TRERF1: variants seen among roughly 807,000 people sequenced by gnomAD.
The protein encoded by TRERF1 is transcriptional-regulating factor 1.
Under a neutral mutation model 122.9 loss-of-function variants are expected in TRERF1, and 27 were observed. That is an observed-to-expected ratio of 0.22 (90% CI 0.16 to 0.30). The LOEUF is 0.30. Ranked by LOEUF, TRERF1 falls within the 10% of genes least tolerant of loss-of-function variation. TRERF1 has a pLI of 1.00. For missense variants in TRERF1, 1,248 were observed against 1,560.3 expected, an observed-to-expected ratio of 0.80 and a Z score of 3.37; for synonymous variants, 636 against 641.7, an observed-to-expected ratio of 0.99 and a Z score of 0.13.
chr6:42,345,026 TA>T (rs770267508), intron 3 of TRERF1, among the ~76,000 whole-genome samples: 26 of 152,164 alleles, frequency 1.7e-4, no homozygotes, highest in Non-Finnish European at 2.9e-4. Flanking sequence ...GAACCTATAT[TA>T]TCATGGAGAA....
chr6:42,250,386 C>T (rs577450419), intron 13 of TRERF1, among the ~76,000 whole-genome samples: 1 of 152,270 alleles, frequency 6.6e-6, no homozygotes, highest in African/African-American at 2.4e-5. Context: ...TTCCTGCCTC[C>T]AAAATCCCTC....
At chr6:42,419,119 C>A (rs1782368222) in intron 2 of TRERF1, among the ~76,000 whole-genome samples, 1 of 152,172 alleles carries the variant, frequency 6.6e-6, no homozygotes, top group South Asian at 2.1e-4. Flanking sequence ...AAAGTAGTAG[C>A]TTTTTAAACG....
intron 2 of TRERF1, among the ~76,000 whole-genome samples, chr6:42,439,790 A>G (rs1191180226): frequency 7.9e-5 from 12 of 152,180 alleles, no homozygotes; most frequent in Non-Finnish European, 1.6e-4. Context: ...CACTCAGTCT[A>G]TTACATTTTT....
chr6:42,232,663 C>G lies in TRERF1; in HGVS notation c.3278+18G>C, dbSNP rs1372084053. ...CCCATCATGAACTCAGATTCAGTCC[C>G]CGGTCCCCTGCACCTACTTGCCACA... On this transcript the variant is annotated intron_variant, in intron 17 of 17. Transcript: ENST00000372922. The surrounding 1 kb of genome is among the most constrained non-coding windows in gnomAD (Gnocchi z 4.5). 1.3e-6 allele frequency: 2 copies of G among 1,570,002 alleles called. No homozygotes were observed. Among genetic ancestry groups the G allele is most frequent in the Non-Finnish European group, 1.7e-6 (2 of 1,150,300 alleles).
At chr6:42,318,050 A>C (rs1762792188) in intron 3 of TRERF1, among the ~76,000 whole-genome samples, 1 of 152,086 alleles carries the variant, frequency 6.6e-6, no homozygotes, top group Non-Finnish European at 1.5e-5. Context: ...GCTACTTGGG[A>C]GGCTGAGGCA....
chr6:42,350,435 C>T (rs1357272164), intron 3 of TRERF1, among the ~76,000 whole-genome samples: 3 of 152,152 alleles, frequency 2.0e-5, no homozygotes, highest in African/African-American at 7.2e-5. Flanking sequence ...CCTGAGGCCC[C>T]GCTATTACTC....
At position 42,368,718 on chromosome 6, in the gene TRERF1, A is replaced by G. The variant is rs1374287509; in HGVS notation, c.-453-5639T>C. On this transcript the variant is annotated intron_variant, in intron 2 of 17. Coordinates refer to ENST00000372922, the Ensembl canonical transcript of TRERF1. ...TTAAAGATTAAAGTCCACGCTTTGG[A>G]CTTCTGGGTCAAAAAAGTAATTATT... Among the ~76,000 whole-genome samples the G allele has an allele frequency of 2.0e-5, 3 of 152,294 alleles. No homozygotes were observed. In the East Asian group the frequency reaches 5.8e-4, roughly 29 times the overall value.
chr6:42,414,433 A>G (rs1388841105), intron 2 of TRERF1, among the ~76,000 whole-genome samples: 1 of 152,206 alleles, frequency 6.6e-6, no homozygotes, highest in Non-Finnish European at 1.5e-5. Flanking sequence ...CAAAAACATG[A>G]TATCGTTTTG....
chr6:42,242,744 G>A (rs1241215013), intron 15 of TRERF1, among the ~76,000 whole-genome samples: 1 of 152,220 alleles, frequency 6.6e-6, no homozygotes, highest in East Asian at 1.9e-4. Context: ...TCATCTACAT[G>A]CAGCGAATTA....
At chr6:42,230,729 G>A (rs1051381111) in intron 17 of TRERF1, among the ~76,000 whole-genome samples, 1 of 152,204 alleles carries the variant, frequency 6.6e-6, no homozygotes, top group African/African-American at 2.4e-5. Flanking sequence ...ACAGCAGGGT[G>A]TGGAGGAGAC....
At chr6:42,324,574 A>G (rs1763972597) in intron 3 of TRERF1, among the ~76,000 whole-genome samples, 1 of 152,216 alleles carries the variant, frequency 6.6e-6, no homozygotes, top group Non-Finnish European at 1.5e-5. Context: ...AATGGAAGAG[A>G]AGAGAAAACC....
chr6:42,256,515 C>T (rs921425461), intron 12 of TRERF1, among the ~76,000 whole-genome samples: 5 of 152,048 alleles, frequency 3.3e-5, no homozygotes, highest in Admixed American at 6.5e-5. Flanking sequence ...ACTTTAGGAA[C>T]AGATGTGGAA....
chr6:42,260,055 G>GA (rs1777552312), intron 8 of TRERF1, among the ~76,000 whole-genome samples: 1 of 152,114 alleles, frequency 6.6e-6, no homozygotes, highest in South Asian at 2.1e-4. Context: ...ATCCAGCTGA[G>GA]TGGGCTCTTT....
intron 2 of TRERF1, among the ~76,000 whole-genome samples, chr6:42,442,377 G>A (rs553156879): frequency 1.1e-4 from 17 of 152,248 alleles, no homozygotes; most frequent in Non-Finnish European, 1.3e-4. Flanking sequence ...AGGCCCTCAG[G>A]AAGGATTCTT....
At chr6:42,395,030 C>T (rs1562127807) in intron 2 of TRERF1, among the ~76,000 whole-genome samples, 2 of 152,192 alleles carry the variant, frequency 1.3e-5, no homozygotes, top group African/African-American at 2.4e-5. Context: ...TCTGTAACAC[C>T]GGCACTTGTT....
At chr6:42,329,974 G>A (rs511414) in intron 3 of TRERF1, among the ~76,000 whole-genome samples, 1 of 151,978 alleles carries the variant, frequency 6.6e-6, no homozygotes, top group Non-Finnish European at 1.5e-5. Flanking sequence ...GGGCGACAGA[G>A]CAAGACTCTG....
chr6:42,227,787 G>T (rs543358840), exon 18 of TRERF1: 2 of 152,368 alleles, frequency 1.3e-5, no homozygotes, highest in South Asian at 2.1e-4. Flanking sequence ...CTCACATGTC[G>T]TGTGAGCTGG....
chr6:42,275,268 C>T lies in TRERF1; in HGVS notation c.-258-5420G>A, dbSNP rs1203580231. ...TTTTGCTCATTATGTGTAACAATTT[C>T]TACTGGGTAATTTGTACCAGGAGCT... On this transcript the variant is annotated intron_variant, in intron 4 of 17. Transcript: ENST00000372922. The surrounding 1 kb of genome is among the most constrained non-coding windows in gnomAD (Gnocchi z 4.1). Among the ~76,000 whole-genome samples, 1 of 152,222 alleles carries T rather than the reference C, an allele frequency of 6.6e-6. No individual in the cohort carries two copies. Among genetic ancestry groups the T allele is most frequent in the Non-Finnish European group, 1.5e-5 (1 of 68,026 alleles).
chr6:42,383,693 A>T (rs138563905), intron 2 of TRERF1, among the ~76,000 whole-genome samples: 2 of 152,262 alleles, frequency 1.3e-5, no homozygotes, highest in East Asian at 3.9e-4. Context: ...CCAAAGCCTC[A>T]TTTGAATGCA....
Sources: gnomAD v4.1 joint callset for allele counts (sites outside exome capture counted in the v4.1 genomes callset) on GRCh38, gnomAD v4.1.1 for gene constraint, Gnocchi (gnomAD v3.1) non-coding constraint, MANE v1.5 for transcripts, NCBI Gene and HGNC (gene_info 2026-07-23, HGNC 2026-07-21) for gene names.